The following CPNE5 variants were observed in gnomAD, a reference collection of about 807,000 sequenced individuals.
CPNE5 encodes the protein copine-5.
Under a neutral mutation model 81.1 loss-of-function variants are expected in CPNE5, and 42 were observed. The observed-to-expected ratio is 0.52, with a 90% CI of 0.40 to 0.67. CPNE5 has a LOEUF of 0.67. CPNE5 is among the 30% of genes least tolerant of loss of function. The pLI, the probability that CPNE5 is intolerant of heterozygous loss-of-function variation, is 0.00. For missense variants in CPNE5, 612 were observed against 815.5 expected, an observed-to-expected ratio of 0.75 and a Z score of 3.04; for synonymous variants, 313 against 321.5, an observed-to-expected ratio of 0.97 and a Z score of 0.28.
chr6:36,829,739 G>A (rs936560627), intron 1 of CPNE5, among the ~76,000 whole-genome samples: 2 of 149,284 alleles, frequency 1.3e-5, no homozygotes, highest in Non-Finnish European at 1.5e-5. Context: ...CTTGAACCCG[G>A]GAAGCAGAGG....
At chr6:36,817,424 G>C (rs115687611) in intron 3 of CPNE5, among the ~76,000 whole-genome samples, 3 of 152,162 alleles carry the variant, frequency 2.0e-5, no homozygotes. Flanking sequence ...GTCTGGGCAC[G>C]GGTCCTGCTC....
At chr6:36,829,928 C>T (rs1267771958) in intron 1 of CPNE5, among the ~76,000 whole-genome samples, 2 of 151,048 alleles carry the variant, frequency 1.3e-5, no homozygotes, top group Admixed American at 6.6e-5. Flanking sequence ...CCAGCGTCAC[C>T]CCATTTCTGC....
intron 3 of CPNE5, among the ~76,000 whole-genome samples, chr6:36,813,808 A>T (rs1278779227): frequency 6.6e-6 from 1 of 152,078 alleles, no homozygotes; most frequent in East Asian, 1.9e-4. Context: ...ACCACTCAAG[A>T]CTCAGCTCCA....
intron 3 of CPNE5, among the ~76,000 whole-genome samples, chr6:36,803,485 A>G (rs1770313962): frequency 1.3e-5 from 2 of 152,238 alleles, no homozygotes; most frequent in African/African-American, 4.8e-5. Flanking sequence ...TTTGTAGCCC[A>G]GGACCTAACA....
chr6:36,744,394 T>A, intron 18 of CPNE5, 69 bp from the exon 19 acceptor site: 6 of 1,228,894 alleles, frequency 4.9e-6, no homozygotes, highest in Non-Finnish European at 7.0e-6. Context: ...GAAGGAGAAA[T>A]CAGGGGTAGG....
At position 36,827,374 on chromosome 6, in the gene CPNE5, A is replaced by G. The variant is rs535897533; in HGVS notation, c.96-4276T>C. 330 of 985,244 alleles carry G rather than the reference A, an allele frequency of 3.3e-4. 4 individuals carry two copies. In the African/African-American group the frequency reaches 4.9e-3, roughly 15 times the overall value. 61.0% of individuals were successfully genotyped at this position (985,244 alleles called of 1,614,324 possible). ...TCACCCCGTGAACAATGGGCCTCGC[A>G]CTTCTGGGGCTCACCCCTGCCCCGG... On this transcript the variant is annotated intron_variant, in intron 1 of 20. Coordinates refer to ENST00000244751, the MANE Select transcript of CPNE5 (RefSeq NM_020939.2).
intron 3 of CPNE5, among the ~76,000 whole-genome samples, chr6:36,809,636 A>T (rs571689573): frequency 6.6e-6 from 1 of 152,136 alleles, no homozygotes; most frequent in South Asian, 2.1e-4. Flanking sequence ...AAAAAAATCA[A>T]ATTGACTTAG....
In CPNE5 at chr6:36,745,399, G is replaced by A; in HGVS notation, c.1317C>T (p.Thr439=). The A allele has an allele frequency of 6.2e-7, 1 of 1,606,830 alleles. No individual in the cohort carries two copies. Among genetic ancestry groups the A allele is most frequent in the East Asian group, 2.2e-5 (1 of 44,570 alleles). The part of the protein sequence containing the change: ...YGPTNFAPVV[T]HVARNAAAVQ... ...GCAGCGGCACTCACCTGGCCACGTG[G>A]GTGACCACGGGGGCAAAGTTGGTGG... is the stretch of plus-strand genomic sequence containing the variant. Residue 439 remains threonine (T), a synonymous_variant, in exon 17 of 21, where the codon ACC becomes ACT. Transcript: ENST00000244751.
intron 14 of CPNE5, among the ~76,000 whole-genome samples, chr6:36,749,334 A>G (rs1279683469): frequency 6.6e-6 from 1 of 152,130 alleles, no homozygotes; most frequent in Non-Finnish European, 1.5e-5. Context: ...TAAGAGACCA[A>G]CCCACCAATC....
chr6:36,803,300 C>T (rs776418655), intron 3 of CPNE5, among the ~76,000 whole-genome samples: 5 of 152,132 alleles, frequency 3.3e-5, no homozygotes, highest in South Asian at 2.1e-4. Flanking sequence ...TTGGAGCCTC[C>T]GCTCCCTGGC....
intron 18 of CPNE5, chr6:36,744,658 C>T (rs1331390494): frequency 2.1e-6 from 1 of 481,024 alleles, no homozygotes; most frequent in Non-Finnish European, 3.8e-6. Flanking sequence ...CTCTGAGCCT[C>T]CCCTCCCACT....
At position 36,820,335 on chromosome 6, in the gene CPNE5, C is replaced by CTTTT. The variant is rs1163633243; in HGVS notation, c.183+1775_183+1778dup. ...GCCCAGCTTCCTTTCCTAATCCATT[C>CTTTT]TTTTTTTTTTTTTTTTTTTTTTTTG... is the stretch of plus-strand genomic sequence containing the variant. On this transcript the variant is annotated intron_variant, in intron 3 of 20. Coordinates refer to ENST00000244751, the MANE Select transcript of CPNE5 (RefSeq NM_020939.2). Among the ~76,000 whole-genome samples the CTTTT allele has an allele frequency of 7.0e-3, 647 of 92,360 alleles. 3 individuals are homozygous for CTTTT. The highest frequency in any genetic ancestry group is 0.016 in the Middle Eastern group (2 of 126). 60.6% of individuals were successfully genotyped at this position (92,360 alleles called of 152,430 possible). A position where few individuals can be genotyped will look rare whatever the true frequency, so the allele number is the denominator to read the frequency against.
chr6:36,746,689 C>T lies in CPNE5; in HGVS notation c.1019-112G>A. ...ACCCCTAACTTTTATTAATTCTTGA[C>T]TCCTCTCTTTCTCTCATACCCCATG... On this transcript the variant is annotated intron_variant, in intron 15 of 20. Transcript: ENST00000244751. The surrounding 1 kb of genome is among the most constrained non-coding windows in gnomAD (Gnocchi z 4.5). 5.5e-6 allele frequency: 5 copies of T among 908,176 alleles called. No homozygotes were observed. The highest frequency in any genetic ancestry group is 8.3e-6 in the Non-Finnish European group (5 of 598,956). 56.3% of individuals were successfully genotyped at this position (908,176 alleles called of 1,614,324 possible). A position where few individuals can be genotyped will look rare whatever the true frequency, so the allele number is the denominator to read the frequency against.
At chr6:36,785,862 A>C (rs1582880886) in intron 8 of CPNE5, among the ~76,000 whole-genome samples, 2 of 152,028 alleles carry the variant, frequency 1.3e-5, no homozygotes, top group East Asian at 3.9e-4. Context: ...AAAACACAAA[A>C]ATTAGCCAGG....
chr6:36,814,326 T>G (rs1015246087), intron 3 of CPNE5, among the ~76,000 whole-genome samples: 3 of 152,174 alleles, frequency 2.0e-5, no homozygotes, highest in African/African-American at 7.2e-5. Flanking sequence ...AGATGCTGAA[T>G]GCAAGATCGT....
At chr6:36,751,963 C>T (rs1160220846) in intron 14 of CPNE5, among the ~76,000 whole-genome samples, 1 of 151,972 alleles carries the variant, frequency 6.6e-6, no homozygotes, top group Non-Finnish European at 1.5e-5. Flanking sequence ...GGTCTGGAGT[C>T]AGCCCAGAGG....
rs371267263 is a variant in CPNE5, at chr6:36,823,406, G to A, written c.96-308C>T. Reference sequence around the variant, plus strand: ...AGCCACTCACCATCGGGGGATTTCCGAAACTGCCCAATGTCTTAGCCCTTT... The same window carrying A: ...AGCCACTCACCATCGGGGGATTTCCAAAACTGCCCAATGTCTTAGCCCTTT... On this transcript the variant is annotated intron_variant, in intron 1 of 20. Transcript: ENST00000244751. Among the ~76,000 whole-genome samples the A allele has an allele frequency of 3.7e-4, 56 of 152,238 alleles. 2 individuals are homozygous for A. In the East Asian group the frequency reaches 7.5e-3, roughly 20 times the overall value.
chr6:36,744,332 G>A lies in CPNE5; in HGVS notation c.1432-7C>T, dbSNP rs760425726. On this transcript the variant is annotated splice_region_variant and splice_polypyrimidine_tract_variant and intron_variant, in intron 18 of 20. Transcript: ENST00000244751. The stretch of plus-strand genomic sequence containing the variant: ...ACATGGGGAGCTTGGCAGCCTGGGA[G>A]ACAGCATGGGGGGCAGGGAAAGGTT... The A allele has an allele frequency of 8.9e-6, 14 of 1,578,842 alleles. No homozygotes were observed. Among genetic ancestry groups the A allele is most frequent in the Non-Finnish European group, 1.2e-5 (14 of 1,162,484 alleles).
Position 36,745,520 on chromosome 6 carries a change from GGGACAGA to G in CPNE5, c.1201-12_1201-6del. ...GGGGTTCTCCTGGTTGCCATTCTGG[GGGACAGA>G]GGGCAGGGAGGCTGAGCCCAGGAAG... On this transcript the variant is annotated splice_polypyrimidine_tract_variant and splice_region_variant and intron_variant, in intron 16 of 20. Coordinates refer to ENST00000244751, the MANE Select transcript of CPNE5 (RefSeq NM_020939.2). The G allele has an allele frequency of 6.3e-7, 1 of 1,598,372 alleles. No homozygotes were observed. The highest frequency in any genetic ancestry group is 8.5e-7 in the Non-Finnish European group (1 of 1,172,640).
Sources: gnomAD v4.1 joint callset for allele counts (sites outside exome capture counted in the v4.1 genomes callset) on GRCh38, gnomAD v4.1.1 for gene constraint, Gnocchi (gnomAD v3.1) non-coding constraint, MANE v1.5 for transcripts, NCBI Gene and HGNC (gene_info 2026-07-23, HGNC 2026-07-21) for gene names.